The following DIP2B variants were observed in gnomAD, a reference collection of about 807,000 sequenced individuals.
The protein encoded by DIP2B is DIP2 acetate--CoA ligase B (putative).
Under a neutral mutation model 198.0 loss-of-function variants are expected in DIP2B, and 76 were observed. The observed-to-expected ratio is 0.38, with a 90% confidence interval of 0.32 to 0.46. DIP2B has a LOEUF of 0.46. Among genes scored for constraint, DIP2B ranks in the 20% least tolerant of loss-of-function variants. The pLI is 0.99. For synonymous variants in DIP2B, 701 were observed against 739.1 expected (o/e 0.95, Z 0.84); for missense variants, 1,559 against 1,978.4 (o/e 0.79, Z 4.02).
At chr12:50,705,337 C>A (rs1380128160) in intron 20 of DIP2B, among the ~76,000 whole-genome samples, 1 of 152,156 alleles carries the variant, frequency 6.6e-6, no homozygotes, top group East Asian at 1.9e-4. Flanking sequence ...CTCTCTACAC[C>A]TTTGTCTTGA....
rs1940367939 is a variant in DIP2B, at chr12:50,748,303, T to C, written c.*3464T>C. ...GTCTGCTTTGATGTAAAAGCAAGAG[T>C]ATTTGGAGCAAGAAGCTGCAATGCG... On this transcript the variant is annotated 3_prime_UTR_variant, in exon 38 of 38. Coordinates refer to ENST00000301180, the MANE Select transcript of DIP2B (RefSeq NM_173602.3). 1 of 152,636 alleles carries C rather than the reference T, an allele frequency of 6.6e-6. No homozygotes were observed. The highest frequency in any genetic ancestry group is 1.5e-5 in the Non-Finnish European group (1 of 68,040). The allele number at this position is 152,636 out of a possible 1,614,324, so 9.5% of individuals were successfully genotyped here. A position where few individuals can be genotyped will look rare whatever the true frequency, so the allele number is the denominator to read the frequency against.
At chr12:50,604,162 A>G (rs562550288) in intron 1 of DIP2B, among the ~76,000 whole-genome samples, 21 of 136,714 alleles carry the variant, frequency 1.5e-4, no homozygotes, top group Middle Eastern at 3.6e-3. Context: ...GGCAATAATT[A>G]TAGTACAAAA....
At chr12:50,609,694 A>C (rs1959015350) in intron 1 of DIP2B, among the ~76,000 whole-genome samples, 1 of 152,238 alleles carries the variant, frequency 6.6e-6, no homozygotes, top group African/African-American at 2.4e-5. Flanking sequence ...GGGACTGGGA[A>C]ATGTCATCGT....
At chr12:50,728,058 T>G (rs1221863302) in intron 29 of DIP2B, among the ~76,000 whole-genome samples, 1 of 152,244 alleles carries the variant, frequency 6.6e-6, no homozygotes, top group East Asian at 1.9e-4. Context: ...AGTTAAAATA[T>G]GTATGAAATC....
chr12:50,566,328 C>T (rs1157111193), intron 1 of DIP2B, among the ~76,000 whole-genome samples: 1 of 152,196 alleles, frequency 6.6e-6, no homozygotes, highest in African/African-American at 2.4e-5. Flanking sequence ...GCTTGAGCCA[C>T]CATGCCCAGC....
At chr12:50,718,301 C>T (rs1032412367) in intron 23 of DIP2B, among the ~76,000 whole-genome samples, 2 of 152,076 alleles carry the variant, frequency 1.3e-5, no homozygotes, top group African/African-American at 2.4e-5. Context: ...ATTGTTAAGC[C>T]CTCTTTTAGG....
rs555450125 is a variant in DIP2B at position 50,575,002 on chromosome 12, A to C, written c.101-50974A>C. On this transcript the variant is annotated intron_variant, in intron 1 of 37. Coordinates refer to ENST00000301180, the MANE Select transcript of DIP2B (RefSeq NM_173602.3). The stretch of plus-strand genomic sequence containing the variant: ...GTTTTCTGTTGTCCTTTAACATTTT[A>C]AAATATGCCTACATCTCTTTCATTT... Among the ~76,000 whole-genome samples, 18 of 152,324 alleles carry C rather than the reference A, an allele frequency of 1.2e-4. No individual in the cohort carries two copies. In the South Asian group the frequency reaches 3.7e-3, roughly 32 times the overall value.
At chr12:50,513,231 G>A (rs967839811) in intron 1 of DIP2B, among the ~76,000 whole-genome samples, 1 of 152,182 alleles carries the variant, frequency 6.6e-6, no homozygotes, top group African/African-American at 2.4e-5. Context: ...GAATCAATTT[G>A]TGATAAATTT....
intron 1 of DIP2B, among the ~76,000 whole-genome samples, chr12:50,573,794 T>C (rs974977728): frequency 1.3e-5 from 2 of 152,232 alleles, no homozygotes; most frequent in African/African-American, 4.8e-5. Flanking sequence ...GTGTGATGTA[T>C]GCTGTTGTGG....
chr12:50,515,827 A>C (rs567409466), intron 1 of DIP2B, among the ~76,000 whole-genome samples: 1 of 152,016 alleles, frequency 6.6e-6, no homozygotes, highest in Admixed American at 6.6e-5. Flanking sequence ...CCCCCATGCT[A>C]ACTTGGTAAG....
chr12:50,660,685 T>C (rs1358432748), intron 4 of DIP2B, among the ~76,000 whole-genome samples: 1 of 152,178 alleles, frequency 6.6e-6, no homozygotes, highest in Non-Finnish European at 1.5e-5. Context: ...TGTAGTCATA[T>C]ATCTAATTCA....
At chr12:50,617,974 C>T (rs140631282) in intron 1 of DIP2B, among the ~76,000 whole-genome samples, 2 of 152,216 alleles carry the variant, frequency 1.3e-5, no homozygotes, top group Non-Finnish European at 2.9e-5. Context: ...TTTTAAATTG[C>T]ATCTGATTTA....
intron 7 of DIP2B, among the ~76,000 whole-genome samples, chr12:50,677,185 C>T (rs1258825437): frequency 6.6e-6 from 1 of 152,200 alleles, no homozygotes; most frequent in Non-Finnish European, 1.5e-5. Flanking sequence ...ACATTTCCTC[C>T]TCCAGGTGGA....
intron 16 of DIP2B, 84 bp downstream of exon 16, chr12:50,696,051 A>G (rs1203727249): frequency 1.3e-6 from 2 of 1,563,600 alleles, no homozygotes; most frequent in Non-Finnish European, 1.7e-6. Flanking sequence ...GATATAATTC[A>G]CATACTGAAA....
chr12:50,650,146 G>C (rs1938428670), intron 3 of DIP2B, among the ~76,000 whole-genome samples: 1 of 152,116 alleles, frequency 6.6e-6, no homozygotes, highest in African/African-American at 2.4e-5. Context: ...GGAGGCGGAG[G>C]TTGCAGTGAG....
intron 2 of DIP2B, among the ~76,000 whole-genome samples, chr12:50,628,356 G>A (rs1312034517): frequency 1.2e-4 from 18 of 152,042 alleles, no homozygotes; most frequent in Non-Finnish European, 2.9e-5. Context: ...AGGCCACAGA[G>A]CAAGACTCCG....
intron 4 of DIP2B, among the ~76,000 whole-genome samples, chr12:50,669,404 CATT>C (rs990392278): frequency 5.3e-5 from 8 of 152,044 alleles, no homozygotes; most frequent in Admixed American, 3.3e-4. Flanking sequence ...AGGGTATAGT[CATT>C]ATATAACTTT....
chr12:50,747,909 C>A lies in DIP2B; in HGVS notation c.*3070C>A, dbSNP rs1311091318. The A allele has an allele frequency of 6.6e-6, 1 of 152,616 alleles. No homozygotes were observed. Among genetic ancestry groups the A allele is most frequent in the Non-Finnish European group, 1.5e-5 (1 of 68,046 alleles). 9.5% of individuals were successfully genotyped at this position (152,616 alleles called of 1,614,324 possible). A position where few individuals can be genotyped will look rare whatever the true frequency, so the allele number is the denominator to read the frequency against. ...CCCTGGGAAGGACCAGCATGCTAAT[C>A]AGTGTCAGTGAATCCACAGTCTTTA... On this transcript the variant is annotated 3_prime_UTR_variant, in exon 38 of 38. Transcript: ENST00000301180.
rs906990906 is a variant in DIP2B at position 50,537,371 on chromosome 12, G to A, written c.100+32131G>A. 1.2e-4 allele frequency among the ~76,000 whole-genome samples: 18 copies of A among 152,018 alleles called. 2 individuals carry two copies. The highest frequency in any genetic ancestry group is 1.1e-3 in the Admixed American group (17 of 15,236). The stretch of plus-strand genomic sequence containing the variant: ...GTGAAACATTGAGGGAAGGAAATCG[G>A]TAGGATGTGAGGGAATAGGTAGGGA... On this transcript the variant is annotated intron_variant, in intron 1 of 37. Transcript: ENST00000301180.
Sources: gnomAD v4.1 joint callset for allele counts (sites outside exome capture counted in the v4.1 genomes callset) on GRCh38, gnomAD v4.1.1 for gene constraint, MANE v1.5 for transcripts, NCBI Gene and HGNC (gene_info 2026-07-23, HGNC 2026-07-21) for gene names.